The following DR1 variants were observed in gnomAD, a reference collection of about 807,000 sequenced individuals.
The protein encoded by DR1 is protein Dr1.
Under a neutral mutation model 19.9 loss-of-function variants are expected in DR1, and 7 were observed. The observed-to-expected ratio is 0.35, with a 90% CI of 0.20 to 0.66. The LOEUF (loss-of-function observed/expected upper bound fraction) is 0.66. DR1 is among the 30% of genes least tolerant of loss of function. The pLI, the probability that DR1 is intolerant of heterozygous loss-of-function variation, is 0.66. For synonymous variants in DR1, 76 were observed against 72.5 expected, an observed-to-expected ratio of 1.05 and a Z score of -0.24; for missense variants, 98 against 203.7, an observed-to-expected ratio of 0.48 and a Z score of 3.16.
rs1413465841 is a variant in DR1 at position 93,364,116 on chromosome 1, C to T, written c.*3477C>T. The T allele has an allele frequency of 6.6e-6, 1 of 152,122 alleles. No individual in the cohort carries two copies. The highest frequency in any genetic ancestry group is 1.5e-5 in the Non-Finnish European group (1 of 68,014). 9.4% of individuals were successfully genotyped at this position (152,122 alleles called of 1,614,324 possible). On this transcript the variant is annotated 3_prime_UTR_variant, in exon 3 of 3. Transcript: ENST00000370272. ...AAGAAGGCACCATTTTAATGTGTAG[C>T]ATAAAAATGAATTACGCTAATGATC...
In DR1 at chr1:93,346,086, AGCAGCGGCAGCG is replaced by A. The variant is rs969513832; in HGVS notation, c.-545_-534del. The A allele has an allele frequency of 5.2e-4, 109 of 210,158 alleles. No homozygotes were observed. The highest frequency in any genetic ancestry group is 4.7e-4 in the Non-Finnish European group (50 of 106,184). The allele number at this position is 210,158 out of a possible 1,614,324, so 13.0% of individuals were successfully genotyped here. On this transcript the variant is annotated 5_prime_UTR_variant, in exon 1 of 3. Coordinates refer to ENST00000370272, the MANE Select transcript of DR1 (RefSeq NM_001938.3). ...GTTCCCAGGCGGCCGTCGCCGTTCC[AGCAGCGGCAGCG>A]GCAGCGGCAGCGGCGGACATGTTGT...
intron 1 of DR1, among the ~76,000 whole-genome samples, chr1:93,351,989 C>A (rs1666917721): frequency 6.6e-6 from 1 of 152,164 alleles, no homozygotes; most frequent in Non-Finnish European, 1.5e-5. Context: ...TTCTTAGGTG[C>A]TAGACACTGT....
Position 93,359,090 on chromosome 1 carries a change from A to G in DR1, c.385-1403A>G, listed in dbSNP as rs186519724. Among the ~76,000 whole-genome samples, 372 of 152,330 alleles carry G rather than the reference A, an allele frequency of 2.4e-3. 1 individual carries two copies. The highest frequency in any genetic ancestry group is 8.8e-3 in the African/African-American group (365 of 41,568). ...GAGGTTGGGGTAGACACTAATTTGG[A>G]AGACCTTGAACTCTAGGCTAGGAAA... On this transcript the variant is annotated intron_variant, in intron 2 of 2. Transcript: ENST00000370272.
At chr1:93,359,067 G>A (rs1244787026) in intron 2 of DR1, among the ~76,000 whole-genome samples, 2 of 152,174 alleles carry the variant, frequency 1.3e-5, no homozygotes, top group Non-Finnish European at 2.9e-5. Flanking sequence ...ACTATAGAGA[G>A]GTTGGGGTAG....
intron 1 of DR1, among the ~76,000 whole-genome samples, chr1:93,349,255 T>G (rs573119165): frequency 6.6e-6 from 1 of 152,202 alleles, no homozygotes; most frequent in Non-Finnish European, 1.5e-5. Flanking sequence ...ATGAAATAAC[T>G]TATTTAAAAA....
intron 1 of DR1, 51 bp from the exon 2 acceptor site, chr1:93,353,857 G>A: frequency 1.3e-6 from 2 of 1,482,706 alleles, no homozygotes; most frequent in Non-Finnish European, 1.8e-6. Context: ...CGGGTTGGGG[G>A]AAAGCTGTGT....
intron 1 of DR1, among the ~76,000 whole-genome samples, chr1:93,353,292 T>G (rs1280276483): frequency 6.6e-6 from 1 of 152,158 alleles, no homozygotes; most frequent in Admixed American, 6.5e-5. Context: ...TCAGCTACGT[T>G]TTTTTTGCCA....
chr1:93,352,229 C>T lies in DR1; in HGVS notation c.221-1679C>T, dbSNP rs564739079. Among the ~76,000 whole-genome samples the T allele has an allele frequency of 4.6e-5, 7 of 152,246 alleles. No homozygotes were observed. In the South Asian group the frequency reaches 1.0e-3, roughly 23 times the overall value. ...GGACTACAGGCGCCTGCCACCACGC[C>T]GGCCAATTTTTTTTGTATTTTTAGT... On this transcript the variant is annotated intron_variant, in intron 1 of 2. Transcript: ENST00000370272.
Position 93,360,720 on chromosome 1 carries a change from A to G in DR1, c.*81A>G, listed in dbSNP as rs1050007100. On this transcript the variant is annotated 3_prime_UTR_variant, in exon 3 of 3. Transcript: ENST00000370272. ...AACAGTGAAAGAAATGCTTATCTGT[A>G]ATTTTGTATGCATCTTGGTGGACTT... is the stretch of plus-strand genomic sequence containing the variant. 2.7e-6 allele frequency: 4 copies of G among 1,470,404 alleles called. No individual in the cohort carries two copies. Among genetic ancestry groups the G allele is most frequent in the Non-Finnish European group, 3.7e-6 (4 of 1,092,832 alleles). 91.1% of individuals were successfully genotyped at this position (1,470,404 alleles called of 1,614,324 possible).
rs1187543498 is a variant in DR1 at position 93,365,080 on chromosome 1, A to C, written c.*4441A>C. 1 of 151,768 alleles carries C rather than the reference A, an allele frequency of 6.6e-6. No individual in the cohort carries two copies. The highest frequency in any genetic ancestry group is 2.4e-5 in the African/African-American group (1 of 41,352). 9.4% of individuals were successfully genotyped at this position (151,768 alleles called of 1,614,324 possible). On this transcript the variant is annotated 3_prime_UTR_variant, in exon 3 of 3. Transcript: ENST00000370272. ...CACCGTGTTAGCCAGGATGGTCTCG[A>C]TCTCCTGACCTCGTGATCCACCCGC...
Position 93,346,242 on chromosome 1 carries a change from C to T in DR1, c.-404C>T, listed in dbSNP as rs1214535758. ...TATAGAGCCGAGCCCGCTGGGTACC[C>T]GCCCGGTACCGCGGCGAGGCCAGTG... On this transcript the variant is annotated 5_prime_UTR_variant, in exon 1 of 3. Coordinates refer to ENST00000370272, the MANE Select transcript of DR1 (RefSeq NM_001938.3). 4.1e-6 allele frequency: 1 copy of T among 241,020 alleles called. No individual in the cohort carries two copies. The highest frequency in any genetic ancestry group is 8.3e-6 in the Non-Finnish European group (1 of 120,544). The allele number at this position is 241,020 out of a possible 1,614,324, so 14.9% of individuals were successfully genotyped here.
In DR1 at chr1:93,364,842, C is replaced by CTTTCTTTTTTTTTTTTTTTTTT. The variant is rs1667098890; in HGVS notation, c.*4206_*4207insCTTTTTTTTTTTTTTTTTTTTT. The CTTTCTTTTTTTTTTTTTTTTTT allele has an allele frequency of 3.8e-5, 3 of 79,760 alleles. No homozygotes were observed. Among genetic ancestry groups the CTTTCTTTTTTTTTTTTTTTTTT allele is most frequent in the Admixed American group, 1.5e-4 (1 of 6,850 alleles). 4.9% of individuals were successfully genotyped at this position (79,760 alleles called of 1,614,324 possible). ...ATGTTTCCTTTTTCTTTTTTCTTTTCTTTTCTTTCTTTTTTTTTTTTTTTT... is the reference window on the plus strand; with the variant it reads ...ATGTTTCCTTTTTCTTTTTTCTTTTCTTTCTTTTTTTTTTTTTTTTTTTTTTCTTTCTTTTTTTTTTTTTTTT... On this transcript the variant is annotated 3_prime_UTR_variant, in exon 3 of 3. Transcript: ENST00000370272.
intron 2 of DR1, among the ~76,000 whole-genome samples, chr1:93,357,784 C>T (rs527362046): frequency 6.6e-6 from 1 of 152,218 alleles, no homozygotes; most frequent in South Asian, 2.1e-4. Context: ...CACTTCACTA[C>T]TGCCACCTAC....
chr1:93,346,997 G>A (rs1666853573), intron 1 of DR1, 132 bp downstream of exon 1: 3 of 776,992 alleles, frequency 3.9e-6, no homozygotes, highest in East Asian at 2.7e-5. Flanking sequence ...AGACTGGCAT[G>A]TAGGCAGCCG....
intron 2 of DR1, among the ~76,000 whole-genome samples, chr1:93,360,081 T>A (rs1559828): frequency 0.52 from 79,018 of 151,906 alleles, 23,131 homozygotes; most frequent in South Asian, 0.65. Context: ...TTGAAAAATG[T>A]TTGTATCAAA....
Position 93,363,143 on chromosome 1 carries a change from C to T in DR1, c.*2504C>T, listed in dbSNP as rs534508201. On this transcript the variant is annotated 3_prime_UTR_variant, in exon 3 of 3. Coordinates refer to ENST00000370272, the MANE Select transcript of DR1 (RefSeq NM_001938.3). ...ACATACTAGTCTTCAGATCAAAACA[C>T]AGAGCATTATGTGTACCCCAGAAGC... 43 of 152,222 alleles carry T rather than the reference C, an allele frequency of 2.8e-4. No homozygotes were observed. In the East Asian group the frequency reaches 8.3e-3, roughly 29 times the overall value. The allele number at this position is 152,222 out of a possible 1,614,324, so 9.4% of individuals were successfully genotyped here.
At chr1:93,351,961 T>C (rs545532907) in intron 1 of DR1, among the ~76,000 whole-genome samples, 1 of 152,212 alleles carries the variant, frequency 6.6e-6, no homozygotes, top group Non-Finnish European at 1.5e-5. Flanking sequence ...AAATACATAG[T>C]CTGAGTTGGT....
intron 2 of DR1, among the ~76,000 whole-genome samples, chr1:93,359,723 C>T (rs953520598): frequency 3.3e-5 from 5 of 151,992 alleles, no homozygotes; most frequent in African/African-American, 1.2e-4. Flanking sequence ...TGTGAAGGAG[C>T]CTTAGCTGTT....
rs1364309334 is a variant in DR1 at position 93,368,504 on chromosome 1, A to G, written c.*7865A>G. The G allele has an allele frequency of 6.6e-6, 1 of 152,236 alleles. No individual in the cohort carries two copies. Among genetic ancestry groups the G allele is most frequent in the Admixed American group, 6.5e-5 (1 of 15,282 alleles). 9.4% of individuals were successfully genotyped at this position (152,236 alleles called of 1,614,324 possible). On this transcript the variant is annotated 3_prime_UTR_variant, in exon 3 of 3. Coordinates refer to ENST00000370272, the MANE Select transcript of DR1 (RefSeq NM_001938.3). ...GAGAAACTGTCCTTGTTGTTAAGGC[A>G]TCTAAGGATGCTCCAATTACTGGGG...
Sources: allele counts gnomAD v4.1 joint callset (sites outside exome capture counted in the v4.1 genomes callset), GRCh38; gene constraint gnomAD v4.1.1; transcripts MANE v1.5; gene names NCBI Gene and HGNC (gene_info 2026-07-23, HGNC 2026-07-21).